Variants in MATN4 observed in about 807,000 individuals in gnomAD.
The protein encoded by MATN4 is matrilin-4.
In MATN4, 40 loss-of-function variants were observed where a neutral mutation model predicts 54.6. That is an observed-to-expected ratio of 0.73 (90% confidence interval 0.57 to 0.95). The LOEUF is 0.95. Among genes scored for constraint, MATN4 ranks in the 40% least tolerant of loss-of-function variants. The pLI is 0.00. For missense variants in MATN4, 810 were observed against 819.1 expected (o/e 0.99, Z 0.13); for synonymous variants, 351 against 345.3 (o/e 1.02, Z -0.18).
Position 45,298,012 on chromosome 20 carries a change from G to T in MATN4, c.1485C>A (p.Ile495=). 1 of 1,614,030 alleles carries T rather than the reference G, an allele frequency of 6.2e-7. No homozygotes were observed. The highest frequency in any genetic ancestry group is 8.5e-7 in the Non-Finnish European group (1 of 1,179,992). Residue 495 remains isoleucine (I), a synonymous_variant, in exon 8 of 10, where the codon ATC becomes ATA. Coordinates refer to ENST00000372756, the MANE Select transcript of MATN4 (RefSeq NM_001393530.1). This position sits in a 1 kb window ranked among gnomAD's most constrained non-coding sequence, Gnocchi z 4.6. Reference sequence around the variant, plus strand: ...CGTGCAGTTCCGCTGGCTCCGAGGCGATCTCGCGCAGCTCCGCCTCCACCG... The same window carrying T: ...CGTGCAGTTCCGCTGGCTCCGAGGCTATCTCGCGCAGCTCCGCCTCCACCG... ...GKAVEAELRE[I]ASEPAELHVS...
At chr20:45,308,400 T>G, upstream of MATN4, 1 of 605,302 alleles carries the variant, frequency 1.7e-6, no homozygotes, top group Non-Finnish European at 3.0e-6. Flanking sequence ...GGATCCCCCC[T>G]TCCTCCTGAG....
In MATN4 at chr20:45,304,676, G is replaced by A. The variant is rs771857983; in HGVS notation, c.195C>T (p.Asn65=). The A allele has an allele frequency of 6.2e-7, 1 of 1,612,726 alleles. No individual in the cohort carries two copies. The highest frequency in any genetic ancestry group is 8.5e-7 in the Non-Finnish European group (1 of 1,179,344). ...CAACGCGCGTGGCGTTGGGACCCAC[G>A]TTCAGGCCTCGGAGGAGGCCCATGA... The part of the protein sequence containing the change: ...QFLMGLLRGL[N]VGPNATRVGV... The change falls in exon 3 of 10, where the codon AAC becomes AAT. Residue 65 remains asparagine (N), a synonymous_variant. Transcript: ENST00000372756.
At position 45,299,898 on chromosome 20, in the gene MATN4, A is replaced by G. The variant is rs3091815; in HGVS notation, c.1012+989T>C. Among the ~76,000 whole-genome samples, 489 of 98,706 alleles carry G rather than the reference A, an allele frequency of 5.0e-3. 73 individuals are homozygous for G. The highest frequency in any genetic ancestry group is 0.023 in the East Asian group (90 of 3,840). The allele number at this position is 98,706 out of a possible 152,430, so 64.8% of individuals were successfully genotyped here. On this transcript the variant is annotated intron_variant, in intron 6 of 9. Transcript: ENST00000372756. ...GTCTCAAAAAAAAAAAAAAAAAAAAAAGTCGAAGAGGGCTTGCTTCCTGTC... is the reference window on the plus strand; with the variant it reads ...GTCTCAAAAAAAAAAAAAAAAAAAAGAGTCGAAGAGGGCTTGCTTCCTGTC...
intron 6 of MATN4, 121 bp downstream of exon 6, chr20:45,300,766 C>T (rs1371763100): frequency 2.4e-6 from 3 of 1,266,950 alleles, no homozygotes; most frequent in Non-Finnish European, 3.3e-6. Context: ...ATGTCACCCC[C>T]ACAACACACA....
intron 3 of MATN4, among the ~76,000 whole-genome samples, chr20:45,301,995 T>C (rs1357916954): frequency 6.6e-6 from 1 of 152,106 alleles, no homozygotes; most frequent in Admixed American, 6.5e-5. Flanking sequence ...TATTCAATTA[T>C]AATGAGTTTT....
chr20:45,303,386 C>T (rs1300972467), intron 3 of MATN4: 3 of 715,084 alleles, frequency 4.2e-6, no homozygotes, highest in Non-Finnish European at 5.2e-6. Context: ...GGATAGCTGT[C>T]ATCCAAACAG....
In MATN4 at chr20:45,298,395, G is replaced by C; in HGVS notation, c.1201C>G (p.Arg401Gly). 1 of 1,612,446 alleles carries C rather than the reference G, an allele frequency of 6.2e-7. No homozygotes were observed. Among genetic ancestry groups the C allele is most frequent in the Non-Finnish European group, 8.5e-7 (1 of 1,179,260 alleles). Residue 401 changes from arginine to glycine, a missense_variant, in exon 7 of 10, where the codon CGC becomes GGC. By Grantham distance (125) the Arg-to-Gly change is moderately radical. Transcript: ENST00000372756. The surrounding 1 kb of genome is among the most constrained non-coding windows in gnomAD (Gnocchi z 4.6). ...TTCACCTCGGCTGCGGTGCCGTAGC[G>C]ACCCAGAGGGAACTCGGTGCGCACG... ...SRVRTEFPLG[R>G]YGTAAEVKQA... is the part of the protein sequence containing the mutation.
At chr20:45,308,517 G>T (rs1221664448), upstream of MATN4, 1 of 502,924 alleles carries the variant, frequency 2.0e-6, no homozygotes, top group African/African-American at 1.9e-5. Context: ...GGGGAGACCG[G>T]GGCAGCCACA....
At chr20:45,303,271 A>G (rs1986359191) in intron 3 of MATN4, 1 of 623,360 alleles carries the variant, frequency 1.6e-6, no homozygotes, top group African/African-American at 1.8e-5. Context: ...CTGTAAAGTG[A>G]TGGAGGTGTG....
rs778299163 is a variant in MATN4, at chr20:45,304,439, G to A, written c.432C>T (p.Ile144=). The change falls in exon 3 of 10, where the codon ATC becomes ATT. Residue 144 remains isoleucine (I), a synonymous_variant. Transcript: ENST00000372756. Reference sequence around the variant, plus strand: ...GGTCCTGGGGCCGCCCGTCTGTCACGATGACAGCGACACGCGGCACGCGCT... The same window carrying A: ...GGTCCTGGGGCCGCCCGTCTGTCACAATGACAGCGACACGCGGCACGCGCT... The part of the protein sequence containing the change: ...PEERVPRVAV[I]VTDGRPQDRV... 3.2e-6 allele frequency: 5 copies of A among 1,548,450 alleles called. No individual in the cohort carries two copies. Among genetic ancestry groups the A allele is most frequent in the East Asian group, 2.3e-5 (1 of 43,240 alleles).
Position 45,300,831 on chromosome 20 carries a change from C to T in MATN4, c.1012+56G>A, listed in dbSNP as rs2233100. 3.2e-3 allele frequency: 5,116 copies of T among 1,601,772 alleles called. 15 individuals are homozygous for T. The highest frequency in any genetic ancestry group is 3.6e-3 in the Non-Finnish European group (4,273 of 1,177,526). The stretch of plus-strand genomic sequence containing the variant: ...CAGCAATGGCAAAGTCAAGGACACT[C>T]CAAATGTGGGCAATGGGGCAGAAGC... On this transcript the variant is annotated intron_variant, in intron 6 of 9. Coordinates refer to ENST00000372756, the MANE Select transcript of MATN4 (RefSeq NM_001393530.1).
At chr20:45,299,813 G>A (rs942513927) in intron 6 of MATN4, among the ~76,000 whole-genome samples, 3 of 149,148 alleles carry the variant, frequency 2.0e-5, no homozygotes, top group African/African-American at 7.4e-5. Context: ...CAGAGGCAGA[G>A]GTTGCAGTGA....
Position 45,298,425 on chromosome 20 carries a change from T to A in MATN4, c.1171A>T (p.Ser391Cys). ...AGAGGGAACTCGGTGCGCACGCGGCTCGAGAACTGCACCAGCCCCACCCGC... is the reference window on the plus strand; with the variant it reads ...AGAGGGAACTCGGTGCGCACGCGGCACGAGAACTGCACCAGCCCCACCCGC... The part of the protein sequence containing the change: ...GTRVGLVQFS[S>C]RVRTEFPLGR... The change falls in exon 7 of 10, where the codon AGC becomes TGC. Residue 391 changes from serine to cysteine, a missense_variant. By Grantham distance (112) the Ser-to-Cys change is moderately radical. Coordinates refer to ENST00000372756, the MANE Select transcript of MATN4 (RefSeq NM_001393530.1). This position sits in a 1 kb window ranked among gnomAD's most constrained non-coding sequence, Gnocchi z 4.6. 1 of 1,613,300 alleles carries A rather than the reference T, an allele frequency of 6.2e-7. No homozygotes were observed. The highest frequency in any genetic ancestry group is 8.5e-7 in the Non-Finnish European group (1 of 1,179,858).
rs1361629661 is a variant in MATN4 at position 45,303,935 on chromosome 20, T to C, written c.643+293A>G. On this transcript the variant is annotated intron_variant, in intron 3 of 9. Coordinates refer to ENST00000372756, the MANE Select transcript of MATN4 (RefSeq NM_001393530.1). ...GACTCTTTGGAGCAGCCGATCCCTC[T>C]TAGCTTTGAGAATCACTGGTTCCGT... Among the ~76,000 whole-genome samples the C allele has an allele frequency of 2.0e-5, 3 of 152,346 alleles. No homozygotes were observed. The East Asian group carries it at 5.8e-4, about 29-fold the overall frequency.
rs776185166 is a variant in MATN4, at chr20:45,293,539, T to C, written c.*228A>G. 3.5e-4 allele frequency: 178 copies of C among 515,758 alleles called. 3 individuals are homozygous for C. The highest frequency in any genetic ancestry group is 5.1e-5 in the Non-Finnish European group (15 of 295,328). The allele number at this position is 515,758 out of a possible 1,614,324, so 31.9% of individuals were successfully genotyped here. On this transcript the variant is annotated 3_prime_UTR_variant, in exon 10 of 10. Transcript: ENST00000372756. ...AGCACGCGGCGAGGGCGTGCCGGTCTAGCACGTGCCCCTTCCCTCACCACC... is the reference window on the plus strand; with the variant it reads ...AGCACGCGGCGAGGGCGTGCCGGTCCAGCACGTGCCCCTTCCCTCACCACC...
chr20:45,303,101 AAAAG>A (rs1326863781), intron 3 of MATN4, among the ~76,000 whole-genome samples: 256 of 89,526 alleles, frequency 2.9e-3, no homozygotes, highest in Middle Eastern at 7.8e-3. Flanking sequence ...AAAAAAAAAA[AAAAG>A]AGAGAGAGAA....
At position 45,304,689 on chromosome 20, in the gene MATN4, AG is replaced by A. The variant is rs1209774129; in HGVS notation, c.181del (p.Leu61SerfsTer4). 2 of 1,612,608 alleles carry A rather than the reference AG, an allele frequency of 1.2e-6. No individual in the cohort carries two copies. Among genetic ancestry groups the A allele is most frequent in the African/African-American group, 2.7e-5 (2 of 74,912 alleles). On this transcript the variant is annotated frameshift_variant, in exon 3 of 10. Transcript: ENST00000372756. LOFTEE classifies it high-confidence loss of function. ...ETMRQFLMGLLRGLNVGPNAT... is the reference protein window; with the variant it reads ...ETMRQFLMGLXRGLNVGPNAT... Reference sequence around the variant, plus strand: ...GTTGGGACCCACGTTCAGGCCTCGGAGGAGGCCCATGAGGAACTGCCGCATG... The same window carrying A: ...GTTGGGACCCACGTTCAGGCCTCGGAGAGGCCCATGAGGAACTGCCGCATG...
Position 45,297,901 on chromosome 20 carries a change from G to A in MATN4, c.1579+17C>T, listed in dbSNP as rs373476040. ...GGCAATGAGAGAGAGGAGGAGCCCC[G>A]AGAGAGATGCGCTCACCTGGACAGA... is the stretch of plus-strand genomic sequence containing the variant. On this transcript the variant is annotated intron_variant, in intron 8 of 9. Coordinates refer to ENST00000372756, the MANE Select transcript of MATN4 (RefSeq NM_001393530.1). The A allele has an allele frequency of 3.1e-4, 495 of 1,613,666 alleles. No individual in the cohort carries two copies. Among genetic ancestry groups the A allele is most frequent in the Non-Finnish European group, 4.1e-4 (482 of 1,179,764 alleles).
chr20:45,294,067 G>T, intron 8 of MATN4, 52 bp from the exon 9 acceptor site: 1 of 1,441,768 alleles, frequency 6.9e-7, no homozygotes, highest in Non-Finnish European at 9.6e-7. Flanking sequence ...CCTAGCTTTG[G>T]CCCTCTGATT....
Sources: allele counts gnomAD v4.1 joint callset (sites outside exome capture counted in the v4.1 genomes callset), GRCh38; gene constraint gnomAD v4.1.1; non-coding constraint Gnocchi (gnomAD v3.1); transcripts MANE v1.5; gene names NCBI Gene and HGNC (gene_info 2026-07-23, HGNC 2026-07-21).